CTNNA3: variants seen among roughly 807,000 people sequenced by gnomAD.
The protein encoded by CTNNA3 is catenin alpha 3, also known as catenin alpha-3.
Under a neutral mutation model 95.7 loss-of-function variants are expected in CTNNA3, and 76 were observed. The observed-to-expected ratio is 0.79, with a 90% confidence interval of 0.66 to 0.96. CTNNA3 has a LOEUF of 0.96. Ranked by LOEUF, CTNNA3 falls within the 40% of genes least tolerant of loss-of-function variation. The pLI is 0.00. For synonymous variants in CTNNA3, 431 were observed against 374.4 expected (o/e 1.15, Z -1.74); for missense variants, 1,191 against 1,089.8 (o/e 1.09, Z -1.31).
intron 9 of CTNNA3, among the ~76,000 whole-genome samples, chr10:66,740,839 T>A (rs1258790197): frequency 1.3e-5 from 2 of 152,176 alleles, no homozygotes; most frequent in African/African-American, 4.8e-5. Flanking sequence ...AGCTGAAATA[T>A]CTCTTTGAAG....
At chr10:67,095,050 A>G (rs1028102767) in intron 7 of CTNNA3, among the ~76,000 whole-genome samples, 5 of 100,442 alleles carry the variant, frequency 5.0e-5, no homozygotes, top group Non-Finnish European at 7.6e-5. Flanking sequence ...TATATATTAT[A>G]TATGTATCTG....
At chr10:66,343,539 T>C (rs1003779559) in intron 12 of CTNNA3, among the ~76,000 whole-genome samples, 7 of 151,618 alleles carry the variant, frequency 4.6e-5, no homozygotes, top group African/African-American at 1.5e-4. Flanking sequence ...GTTGATCTCA[T>C]AGAAGTAAAA....
At chr10:67,265,999 C>A (rs1866809268) in intron 5 of CTNNA3, among the ~76,000 whole-genome samples, 1 of 152,078 alleles carries the variant, frequency 6.6e-6, no homozygotes, top group Non-Finnish European at 1.5e-5. Flanking sequence ...TTCATTCAAA[C>A]CTAGACTGAC....
chr10:66,861,368 AC>A (rs1313507602), intron 7 of CTNNA3, among the ~76,000 whole-genome samples: 3 of 152,054 alleles, frequency 2.0e-5, no homozygotes, highest in Non-Finnish European at 4.4e-5. Flanking sequence ...AGTTTCCCCC[AC>A]ATCCCAAAGC....
chr10:65,972,271 A>G (rs2133274654), intron 16 of CTNNA3, among the ~76,000 whole-genome samples: 1 of 152,058 alleles, frequency 6.6e-6, no homozygotes, highest in African/African-American at 2.4e-5. Flanking sequence ...AATCTCCTTG[A>G]AAACTGTTAC....
chr10:66,568,551 T>C (rs1429189142), intron 10 of CTNNA3, among the ~76,000 whole-genome samples: 1 of 151,998 alleles, frequency 6.6e-6, no homozygotes, highest in Non-Finnish European at 1.5e-5. Flanking sequence ...CCACTTCTAC[T>C]TCCTGAGCTG....
intron 11 of CTNNA3, among the ~76,000 whole-genome samples, chr10:66,407,674 G>A (rs1355687607): frequency 3.3e-5 from 5 of 151,696 alleles, no homozygotes; most frequent in Non-Finnish European, 4.4e-5. Flanking sequence ...TCTGACTCTT[G>A]GGTTCAAGCG....
intron 12 of CTNNA3, among the ~76,000 whole-genome samples, chr10:66,309,193 C>T (rs1265587345): frequency 6.6e-6 from 1 of 152,094 alleles, no homozygotes; most frequent in Non-Finnish European, 1.5e-5. Context: ...GTTTATGAAC[C>T]TTTCTCAGTA....
chr10:66,149,590 C>T (rs2084082332), intron 13 of CTNNA3, among the ~76,000 whole-genome samples: 1 of 147,276 alleles, frequency 6.8e-6, no homozygotes, highest in African/African-American at 2.4e-5. Flanking sequence ...GTATGAACAC[C>T]CTTACACTTT....
At chr10:66,692,057 TCTC>T (rs949255069) in intron 9 of CTNNA3, among the ~76,000 whole-genome samples, 1 of 151,990 alleles carries the variant, frequency 6.6e-6, no homozygotes, top group African/African-American at 2.4e-5. Context: ...GCAGAGCGCC[TCTC>T]CTCCTCCAAA....
chr10:66,184,052 TC>T (rs2086192426), intron 13 of CTNNA3, among the ~76,000 whole-genome samples: 1 of 152,168 alleles, frequency 6.6e-6, no homozygotes, highest in South Asian at 2.1e-4. Context: ...ACGCCTGTAA[TC>T]CCAACACTTT....
chr10:66,855,437 A>G (rs1031522271), intron 7 of CTNNA3, among the ~76,000 whole-genome samples: 1 of 151,946 alleles, frequency 6.6e-6, no homozygotes, highest in African/African-American at 2.4e-5. Flanking sequence ...GTCCAGCAAA[A>G]TATATTTTAT....
chr10:65,923,650 G>T (rs1426049956), intron 17 of CTNNA3, among the ~76,000 whole-genome samples: 1 of 152,206 alleles, frequency 6.6e-6, no homozygotes, highest in East Asian at 1.9e-4. Context: ...TGAGAAGGTA[G>T]TTCATTCTTT....
chr10:66,371,062 C>T (rs57414918), intron 12 of CTNNA3, among the ~76,000 whole-genome samples: 11,566 of 152,136 alleles, frequency 0.076, 557 homozygotes, highest in East Asian at 0.21. Flanking sequence ...TATGCTGTTA[C>T]AAAGAATGTC....
intron 9 of CTNNA3, among the ~76,000 whole-genome samples, chr10:66,700,818 C>T (rs1310685472): frequency 1.3e-5 from 2 of 152,120 alleles, no homozygotes. Flanking sequence ...TTCCTGTGAT[C>T]TAGAATACAT....
At chr10:66,043,235 G>C (rs2079745032) in intron 15 of CTNNA3, among the ~76,000 whole-genome samples, 1 of 149,176 alleles carries the variant, frequency 6.7e-6, no homozygotes, top group Admixed American at 6.7e-5. Flanking sequence ...GGACATGTGG[G>C]GGAAAAACAC....
intron 15 of CTNNA3, among the ~76,000 whole-genome samples, chr10:66,035,861 ATTAC>A (rs1282411285): frequency 6.6e-6 from 1 of 152,132 alleles, no homozygotes; most frequent in Non-Finnish European, 1.5e-5. Context: ...ATTTTTAAGG[ATTAC>A]TTAAAAACTA....
At chr10:66,754,082 T>C (rs956062347) in intron 9 of CTNNA3, among the ~76,000 whole-genome samples, 16 of 152,254 alleles carry the variant, frequency 1.1e-4, no homozygotes, top group African/African-American at 3.4e-4. Flanking sequence ...ACAACCTTAA[T>C]GGAAAGAAGA....
intron 1 of CTNNA3, among the ~76,000 whole-genome samples, chr10:67,720,312 T>C (rs1841172699): frequency 6.6e-6 from 1 of 151,172 alleles, no homozygotes; most frequent in South Asian, 2.1e-4. Flanking sequence ...ATTGAGTCTA[T>C]TGAGTCCAAT....
Sources: allele counts gnomAD v4.1 joint callset (sites outside exome capture counted in the v4.1 genomes callset), GRCh38; gene constraint gnomAD v4.1.1; transcripts MANE v1.5; gene names NCBI Gene and HGNC (gene_info 2026-07-23, HGNC 2026-07-21).